The following PCDHA1 variants were observed in gnomAD, a reference collection of about 807,000 sequenced individuals.
PCDHA1 encodes protocadherin alpha 1, also known as protocadherin alpha-1.
A neutral mutation model predicts 61.3 loss-of-function variants in PCDHA1; 42 were observed. That is an observed-to-expected ratio of 0.69 (90% CI 0.54 to 0.89). PCDHA1 has a LOEUF of 0.89. PCDHA1 is among the 40% of genes least tolerant of loss of function. PCDHA1 has a pLI of 0.00. For missense variants in PCDHA1, 1,256 were observed against 1,235.3 expected, an observed-to-expected ratio of 1.02 and a Z score of -0.25; for synonymous variants, 610 against 553.8, an observed-to-expected ratio of 1.10 and a Z score of -1.43.
intron 1 of PCDHA1, among the ~76,000 whole-genome samples, chr5:140,936,113 G>A (rs1316824905): frequency 2.0e-5 from 3 of 151,964 alleles, no homozygotes; most frequent in South Asian, 2.1e-4. Context: ...GGCTGGTCTC[G>A]AACTCCTGAC....
intron 1 of PCDHA1, chr5:140,809,227 A>G (rs376976270): frequency 4.6e-5 from 74 of 1,613,866 alleles, no homozygotes; most frequent in Non-Finnish European, 5.6e-5. Flanking sequence ...AGGCCTCCTC[A>G]CGGGCGTTGG....
chr5:140,989,842 G>A (rs1411244835), intron 3 of PCDHA1, among the ~76,000 whole-genome samples: 1 of 152,178 alleles, frequency 6.6e-6, no homozygotes, highest in Non-Finnish European at 1.5e-5. Context: ...GTCAATGAGT[G>A]TGTGGACTGG....
intron 3 of PCDHA1, among the ~76,000 whole-genome samples, chr5:140,992,037 G>A (rs2153898781): frequency 6.6e-6 from 1 of 152,006 alleles, no homozygotes; most frequent in East Asian, 1.9e-4. Context: ...GTGTGTGTGT[G>A]TGTGTGTGTG....
chr5:140,790,436 A>G (rs1419777768), intron 1 of PCDHA1, among the ~76,000 whole-genome samples: 1 of 152,244 alleles, frequency 6.6e-6, no homozygotes, highest in Non-Finnish European at 1.5e-5. Context: ...TTGCTAGTTA[A>G]GTTTCCAGAG....
intron 1 of PCDHA1, among the ~76,000 whole-genome samples, chr5:140,972,728 A>T (rs189687890): frequency 6.8e-6 from 1 of 147,854 alleles, no homozygotes; most frequent in East Asian, 2.0e-4. Context: ...CAGTGGCGTA[A>T]TCCCGGCTCA....
intron 1 of PCDHA1, chr5:140,858,267 C>G: frequency 6.3e-7 from 1 of 1,597,232 alleles, no homozygotes; most frequent in Non-Finnish European, 8.6e-7. Context: ...CTGGTGTGCT[C>G]TAGCGCGGTG....
At chr5:140,928,332 C>T in intron 1 of PCDHA1, 1 of 1,614,182 alleles carries the variant, frequency 6.2e-7, no homozygotes, top group Non-Finnish European at 8.5e-7. Context: ...ATGGCCTTGT[C>T]TCTTATGAGC....
chr5:140,851,939 T>C lies in PCDHA1; in HGVS notation c.2394+63255T>C, dbSNP rs1034912000. ...ATGTTATGTTTCCTGAATTGTAGTATGTGACTTTCAAAATGGTGGTTTTCC... is the reference window on the plus strand; with the variant it reads ...ATGTTATGTTTCCTGAATTGTAGTACGTGACTTTCAAAATGGTGGTTTTCC... On this transcript the variant is annotated intron_variant, in intron 1 of 3. Transcript: ENST00000504120. The C allele has an allele frequency of 2.2e-4, 214 of 966,074 alleles. 16 individuals carry two copies. The highest frequency in any genetic ancestry group is 1.3e-3 in the Admixed American group (21 of 15,930). The allele number at this position is 966,074 out of a possible 1,614,324, so 59.8% of individuals were successfully genotyped here.
At chr5:140,836,282 G>C (rs1554135789) in intron 1 of PCDHA1, 6 of 1,613,806 alleles carry the variant, frequency 3.7e-6, no homozygotes, top group Non-Finnish European at 5.1e-6. Context: ...AGATCAGCAC[G>C]ACACGAGCCC....
intron 1 of PCDHA1, chr5:140,842,311 G>A: frequency 6.2e-7 from 1 of 1,608,842 alleles, no homozygotes; most frequent in Non-Finnish European, 8.5e-7. Context: ...ATCCTCCCAT[G>A]GCGGGTCATT....
intron 1 of PCDHA1, among the ~76,000 whole-genome samples, chr5:140,846,323 T>G (rs2150386920): frequency 0.12 from 17,165 of 148,320 alleles, 3,122 homozygotes; most frequent in African/African-American, 0.34. Flanking sequence ...TAGAGTGTTG[T>G]AAATAGCCTT....
At chr5:140,901,181 G>A (rs2068491755) in intron 1 of PCDHA1, among the ~76,000 whole-genome samples, 1 of 152,010 alleles carries the variant, frequency 6.6e-6, no homozygotes, top group African/African-American at 2.4e-5. Flanking sequence ...TTTGTTGATT[G>A]TTTGCTTTTC....
At chr5:140,811,726 T>G (rs1214994996) in intron 1 of PCDHA1, 1 of 152,244 alleles carries the variant, frequency 6.6e-6, no homozygotes, top group Non-Finnish European at 1.5e-5. Flanking sequence ...ATTGTGGTTT[T>G]GATTTGCATT....
chr5:140,953,992 G>A (rs1210096728), intron 1 of PCDHA1, among the ~76,000 whole-genome samples: 3 of 152,034 alleles, frequency 2.0e-5, no homozygotes, highest in Non-Finnish European at 2.9e-5. Context: ...ATTTTCATGT[G>A]TACTCATCAT....
At chr5:140,843,104 C>T in intron 1 of PCDHA1, 1 of 1,595,712 alleles carries the variant, frequency 6.3e-7, no homozygotes, top group African/African-American at 1.3e-5. Context: ...AGCGAAGGTG[C>T]GCGCAGTGGA....
At chr5:140,791,021 A>G (rs1269188146) in intron 1 of PCDHA1, among the ~76,000 whole-genome samples, 1 of 152,218 alleles carries the variant, frequency 6.6e-6, no homozygotes, top group African/African-American at 2.4e-5. Flanking sequence ...CCAAATCTTC[A>G]TATAGTTAAC....
chr5:140,922,072 A>G (rs1390677282), intron 1 of PCDHA1, among the ~76,000 whole-genome samples: 1 of 152,198 alleles, frequency 6.6e-6, no homozygotes. Flanking sequence ...AATCCCACTA[A>G]GCAAAAAGTG....
chr5:140,823,239 G>A, intron 1 of PCDHA1: 1 of 1,613,536 alleles, frequency 6.2e-7, no homozygotes, highest in African/African-American at 1.3e-5. Context: ...AGAACGCCCT[G>A]GTGTCCTACT....
In PCDHA1 at chr5:140,961,136, G is replaced by A. The variant is rs1474839905; in HGVS notation, c.2395-17813G>A. On this transcript the variant is annotated intron_variant, in intron 1 of 3. Coordinates refer to ENST00000504120, the MANE Select transcript of PCDHA1 (RefSeq NM_018900.4). ...TGCATCTTAATGTCTTGGCACTTAA[G>A]AGTTGGCATATTATTTCAGTACATA... is the stretch of plus-strand genomic sequence containing the variant. Among the ~76,000 whole-genome samples the A allele has an allele frequency of 3.9e-5, 6 of 152,270 alleles. No homozygotes were observed. The East Asian group carries it at 1.2e-3, about 29-fold the overall frequency.
Sources: allele counts gnomAD v4.1 joint callset (sites outside exome capture counted in the v4.1 genomes callset), GRCh38; gene constraint gnomAD v4.1.1; transcripts MANE v1.5; gene names NCBI Gene and HGNC (gene_info 2026-07-23, HGNC 2026-07-21).